Variants in PODXL2 observed in about 807,000 individuals in gnomAD.
The protein encoded by PODXL2 is podocalyxin like 2.
A neutral mutation model predicts 53.4 loss-of-function variants in PODXL2; 17 were observed. The ratio of observed to expected loss-of-function variants is 0.32; its 90% CI spans 0.22 to 0.48. The LOEUF (loss-of-function observed/expected upper bound fraction) is 0.48. Among genes scored for constraint, PODXL2 ranks in the 20% least tolerant of loss-of-function variants. PODXL2 has a pLI of 0.99. For synonymous variants in PODXL2, 311 were observed against 306.7 expected (o/e 1.01, Z -0.15); for missense variants, 673 against 760.0 (o/e 0.89, Z 1.35).
intron 4 of PODXL2, among the ~76,000 whole-genome samples, chr3:127,665,414 C>T (rs756336196): frequency 6.6e-6 from 1 of 152,144 alleles, no homozygotes; most frequent in Non-Finnish European, 1.5e-5. Context: ...AGGAGTTCAG[C>T]CCTCAAGATC....
Position 127,648,751 on chromosome 3 carries a change from G to A in PODXL2, c.349+9228G>A, listed in dbSNP as rs577250124. Among the ~76,000 whole-genome samples, 7 of 150,748 alleles carry A rather than the reference G, an allele frequency of 4.6e-5. No homozygotes were observed. The East Asian group carries it at 1.4e-3, about 29-fold the overall frequency. On this transcript the variant is annotated intron_variant, in intron 2 of 7. Transcript: ENST00000342480. ...AGTCTCCTGAGTAGCTGAGATTACAGGTGTGTGCCCCTATGCCCAGCTAAT... is the reference window on the plus strand; with the variant it reads ...AGTCTCCTGAGTAGCTGAGATTACAAGTGTGTGCCCCTATGCCCAGCTAAT...
In PODXL2 at chr3:127,660,105, C is replaced by T. The variant is rs184195152; in HGVS notation, c.350-273C>T. 4.6e-5 allele frequency among the ~76,000 whole-genome samples: 7 copies of T among 152,290 alleles called. No individual in the cohort carries two copies. In the East Asian group the frequency reaches 1.4e-3, roughly 29 times the overall value. ...TATATACCTCAAACTACTCATGGCT[C>T]TTTTGGAGGAATGCAATATACAAAA... On this transcript the variant is annotated intron_variant, in intron 2 of 7. Coordinates refer to ENST00000342480, the MANE Select transcript of PODXL2 (RefSeq NM_015720.4).
At chr3:127,636,771 G>A (rs2074580751) in intron 1 of PODXL2, among the ~76,000 whole-genome samples, 1 of 152,188 alleles carries the variant, frequency 6.6e-6, no homozygotes. Context: ...ACACAGCAGT[G>A]CCATTGGCTC....
intron 2 of PODXL2, among the ~76,000 whole-genome samples, chr3:127,641,722 G>A (rs1004996736): frequency 1.3e-5 from 2 of 151,026 alleles, no homozygotes; most frequent in African/African-American, 4.9e-5. Flanking sequence ...CTCCATGTTG[G>A]TCAGGCTAGT....
At position 127,668,554 on chromosome 3, in the gene PODXL2, C is replaced by G; in HGVS notation, c.1320C>G (p.Ser440Arg). The change falls in exon 5 of 8, where the codon AGC becomes AGG. Residue 440 changes from serine (S) to arginine (R), a missense_variant. This residue lies in a region of PODXL2 where 588 missense variants were observed against 668.3 expected (regional missense o/e 0.88). Transcript: ENST00000342480. The part of the protein sequence containing the change: ...GAWHISLSKP[S>R]EKEQHLLMTL... Reference sequence around the variant, plus strand: ...GGCACATCTCTCTGAGCAAGCCCAGCGAGAAGGAGCAGCACCTTCTCATGA... The same window carrying G: ...GGCACATCTCTCTGAGCAAGCCCAGGGAGAAGGAGCAGCACCTTCTCATGA... The G allele has an allele frequency of 6.4e-7, 1 of 1,573,562 alleles. No homozygotes were observed. The highest frequency in any genetic ancestry group is 8.6e-7 in the Non-Finnish European group (1 of 1,159,480).
chr3:127,656,759 A>AT (rs2074727531), intron 2 of PODXL2, among the ~76,000 whole-genome samples: 2 of 139,760 alleles, frequency 1.4e-5, no homozygotes, highest in South Asian at 4.6e-4. Context: ...AAAAAAAAAA[A>AT]ATAGCTAGGT....
intron 3 of PODXL2, among the ~76,000 whole-genome samples, chr3:127,661,762 T>A (rs2074769178): frequency 6.6e-6 from 1 of 152,104 alleles, no homozygotes; most frequent in African/African-American, 2.4e-5. Context: ...GCACTGATTC[T>A]ACCAGCAGCT....
chr3:127,635,775 T>A (rs1480208387), intron 1 of PODXL2, among the ~76,000 whole-genome samples: 1 of 152,236 alleles, frequency 6.6e-6, no homozygotes, highest in African/African-American at 2.4e-5. Context: ...AAGCACTGGA[T>A]TAAAACGGTA....
At chr3:127,659,082 T>C (rs2074745237) in intron 2 of PODXL2, among the ~76,000 whole-genome samples, 1 of 152,214 alleles carries the variant, frequency 6.6e-6, no homozygotes, top group Admixed American at 6.5e-5. Flanking sequence ...ATTTTTCTTT[T>C]TTAAAGATTA....
At chr3:127,662,084 C>A (rs550521750) in intron 3 of PODXL2, among the ~76,000 whole-genome samples, 153 bp from the exon 4 acceptor site, 3 of 152,180 alleles carry the variant, frequency 2.0e-5, no homozygotes, top group Non-Finnish European at 4.4e-5. Context: ...TGGCATGGTG[C>A]CTCACAGAGG....
chr3:127,630,400 C>T (rs1476148607), intron 1 of PODXL2, among the ~76,000 whole-genome samples: 1 of 152,164 alleles, frequency 6.6e-6, no homozygotes, highest in Admixed American at 6.5e-5. Context: ...AAATAGCGTC[C>T]TAGTATGATG....
chr3:127,661,340 T>C (rs1559877927), intron 3 of PODXL2, among the ~76,000 whole-genome samples, 181 bp downstream of exon 3: 1 of 152,038 alleles, frequency 6.6e-6, no homozygotes, highest in Non-Finnish European at 1.5e-5. Context: ...ATGGGTGTTC[T>C]CCCCACACTT....
chr3:127,639,638 C>A, intron 2 of PODXL2, 115 bp downstream of exon 2: 1 of 1,000,324 alleles, frequency 1.0e-6, no homozygotes. Flanking sequence ...CAGTTTTTAC[C>A]ATGCTGCTGC....
In PODXL2 at chr3:127,629,334, T is replaced by C. The variant is rs997021773; in HGVS notation, c.70+45T>C. 2.0e-6 allele frequency: 2 copies of C among 1,004,472 alleles called. No individual in the cohort carries two copies. Among genetic ancestry groups the C allele is most frequent in the African/African-American group, 1.8e-5 (1 of 56,270 alleles). 62.2% of individuals were successfully genotyped at this position (1,004,472 alleles called of 1,614,324 possible). On this transcript the variant is annotated intron_variant, in intron 1 of 7. Transcript: ENST00000342480. This position sits in a 1 kb window ranked among gnomAD's most constrained non-coding sequence, Gnocchi z 6.4. ...GAGCGCGGGAGGGCGGGCGGCGGCGTGGGCGCGGTGCTGGACAGCTCCCCG... is the reference window on the plus strand; with the variant it reads ...GAGCGCGGGAGGGCGGGCGGCGGCGCGGGCGCGGTGCTGGACAGCTCCCCG...
intron 2 of PODXL2, among the ~76,000 whole-genome samples, chr3:127,639,822 A>G (rs2074603357): frequency 6.6e-6 from 1 of 152,222 alleles, no homozygotes; most frequent in Non-Finnish European, 1.5e-5. Flanking sequence ...CTTGTAGACA[A>G]GAAAACACTG....
chr3:127,636,863 G>A (rs577022335), intron 1 of PODXL2, among the ~76,000 whole-genome samples: 15 of 152,076 alleles, frequency 9.9e-5, no homozygotes, highest in South Asian at 2.1e-4. Context: ...TCACTCTGTC[G>A]CCCAGGCTGG....
At chr3:127,631,749 A>G (rs2074548011) in intron 1 of PODXL2, among the ~76,000 whole-genome samples, 1 of 152,224 alleles carries the variant, frequency 6.6e-6, no homozygotes, top group African/African-American at 2.4e-5. Context: ...GAAAATAAGT[A>G]ACCTCTTGTA....
At chr3:127,637,203 G>A (rs951637750) in intron 1 of PODXL2, among the ~76,000 whole-genome samples, 2 of 152,148 alleles carry the variant, frequency 1.3e-5, no homozygotes, top group Non-Finnish European at 2.9e-5. Context: ...AGAGCTTCAC[G>A]GGATCTTAGA....
At chr3:127,665,811 G>A in intron 4 of PODXL2, 1 of 332,476 alleles carries the variant, frequency 3.0e-6, no homozygotes, top group Non-Finnish European at 6.1e-6. Flanking sequence ...GTTTCTCAGT[G>A]CATGCCACAC....
Sources: gnomAD v4.1 joint callset for allele counts (sites outside exome capture counted in the v4.1 genomes callset) on GRCh38, gnomAD v4.1.1 for gene constraint, gnomAD v4.1.1 regional missense constraint, Gnocchi (gnomAD v3.1) non-coding constraint, MANE v1.5 for transcripts, NCBI Gene and HGNC (gene_info 2026-07-23, HGNC 2026-07-21) for gene names.